Variants in WNT3A observed in about 807,000 individuals in gnomAD.
The protein encoded by WNT3A is protein Wnt-3a.
A neutral mutation model predicts 37.0 loss-of-function variants in WNT3A; 17 were observed. The observed-to-expected ratio is 0.46, with a 90% confidence interval of 0.31 to 0.69. The LOEUF is 0.69. WNT3A is among the 30% of genes least tolerant of loss of function. The probability of loss-of-function intolerance (pLI) is 0.05; values close to 1 mark genes in which losing one functional copy is unlikely to be tolerated. For synonymous variants in WNT3A, 187 were observed against 211.0 expected, an observed-to-expected ratio of 0.89 and a Z score of 0.99; for missense variants, 411 against 510.2, an observed-to-expected ratio of 0.81 and a Z score of 1.87.
At chr1:228,015,284 G>C (rs915375098) in intron 1 of WNT3A, among the ~76,000 whole-genome samples, 1 of 152,216 alleles carries the variant, frequency 6.6e-6, no homozygotes, top group Non-Finnish European at 1.5e-5. Context: ...CCAGGGAAAG[G>C]GGACAGAGCA....
At chr1:228,017,131 G>T (rs1188433481) in intron 1 of WNT3A, among the ~76,000 whole-genome samples, 1 of 152,204 alleles carries the variant, frequency 6.6e-6, no homozygotes, top group Non-Finnish European at 1.5e-5. Flanking sequence ...CTGTGGCAAA[G>T]CTCCATTCCC....
In WNT3A at chr1:228,049,316, CTT is replaced by C. The variant is rs569840957; in HGVS notation, c.314-1339_314-1338del. On this transcript the variant is annotated intron_variant, in intron 2 of 3. Coordinates refer to ENST00000284523, the MANE Select transcript of WNT3A (RefSeq NM_033131.4). The stretch of plus-strand genomic sequence containing the variant: ...ATCTGGGCAGCAGAAGGAATTAGCT[CTT>C]GTCTGGTTTTACCTGCCTTCGTTCA... Among the ~76,000 whole-genome samples the C allele has an allele frequency of 2.9e-4, 44 of 152,312 alleles. No individual in the cohort carries two copies. The South Asian group carries it at 9.1e-3, about 32-fold the overall frequency.
chr1:228,022,229 C>T (rs185728541), intron 1 of WNT3A, among the ~76,000 whole-genome samples: 13 of 152,210 alleles, frequency 8.5e-5, no homozygotes, highest in South Asian at 6.2e-4. Flanking sequence ...GAGGCTCTAG[C>T]GAGAGGTCAC....
In WNT3A at chr1:228,022,842, G is replaced by T; in HGVS notation, c.247G>T (p.Gly83Cys). ...CCAGGAGTGCCAGCACCAGTTCCGCGGCCGCCGGTGGAACTGCACCACCGT... is the reference window on the plus strand; with the variant it reads ...CCAGGAGTGCCAGCACCAGTTCCGCTGCCGCCGGTGGAACTGCACCACCGT... ...GIQECQHQFR[G>C]RRWNCTTVHD... The change falls in exon 2 of 4, where the codon GGC becomes TGC. Residue 83 changes from glycine (G) to cysteine (C), a missense_variant. By Grantham distance (159) the Gly-to-Cys change is radical. Coordinates refer to ENST00000284523, the MANE Select transcript of WNT3A (RefSeq NM_033131.4). 1 of 1,613,920 alleles carries T rather than the reference G, an allele frequency of 6.2e-7. No homozygotes were observed. The highest frequency in any genetic ancestry group is 8.5e-7 in the Non-Finnish European group (1 of 1,180,008).
chr1:228,048,808 C>A (rs1271585722), intron 2 of WNT3A, among the ~76,000 whole-genome samples: 1 of 152,152 alleles, frequency 6.6e-6, no homozygotes, highest in East Asian at 1.9e-4. Flanking sequence ...CACCCACCCC[C>A]AAGACACAGC....
intron 3 of WNT3A, among the ~76,000 whole-genome samples, chr1:228,053,278 T>C (rs1571815287): frequency 6.6e-6 from 1 of 152,130 alleles, no homozygotes; most frequent in South Asian, 2.1e-4. Context: ...CTAAGACAGA[T>C]AGCAACATGG....
rs907459956 is a variant in WNT3A, at chr1:228,038,411, C to T, written c.314-12245C>T. Among the ~76,000 whole-genome samples the T allele has an allele frequency of 5.3e-5, 8 of 152,334 alleles. No homozygotes were observed. In the East Asian group the frequency reaches 1.2e-3, roughly 22 times the overall value. On this transcript the variant is annotated intron_variant, in intron 2 of 3. Transcript: ENST00000284523. This position sits in a 1 kb window ranked among gnomAD's most constrained non-coding sequence, Gnocchi z 5.7. ...CCCACGCGTTGGCTGCTCTGGAAGC[C>T]TGTTGTGGCCTCCCGATGGGCACGA... is the stretch of plus-strand genomic sequence containing the variant.
intron 2 of WNT3A, among the ~76,000 whole-genome samples, chr1:228,029,002 G>A (rs898531432): frequency 5.3e-5 from 8 of 152,090 alleles, no homozygotes; most frequent in South Asian, 2.1e-4. Flanking sequence ...ACAATTCCTT[G>A]GGGAAAAGGT....
At chr1:228,051,265 A>G (rs1171931233) in intron 3 of WNT3A, among the ~76,000 whole-genome samples, 1 of 152,014 alleles carries the variant, frequency 6.6e-6, no homozygotes, top group African/African-American at 2.4e-5. Flanking sequence ...GCAGGCACAC[A>G]AGGTGACCCG....
rs777278372 is a variant in WNT3A at position 228,007,106 on chromosome 1, C to T, written c.-23C>T. On this transcript the variant is annotated 5_prime_UTR_variant, in exon 1 of 4. Transcript: ENST00000284523. The surrounding 1 kb of genome is among the most constrained non-coding windows in gnomAD (Gnocchi z 6.0). The stretch of plus-strand genomic sequence containing the variant: ...CACGCTCTCGGGGCGGACTCCCGGC[C>T]CTCCGCGCCCTCTCGCGCGGCGATG... 8.4e-6 allele frequency: 13 copies of T among 1,552,604 alleles called. No individual in the cohort carries two copies. Among genetic ancestry groups the T allele is most frequent in the Admixed American group, 7.4e-5 (4 of 53,966 alleles).
intron 2 of WNT3A, among the ~76,000 whole-genome samples, chr1:228,033,091 C>T (rs1279340014): frequency 6.6e-6 from 1 of 152,208 alleles, no homozygotes; most frequent in African/African-American, 2.4e-5. Flanking sequence ...TTATCCAATA[C>T]ATGACTTGCA....
At position 228,037,173 on chromosome 1, in the gene WNT3A, G is replaced by A. The variant is rs2031164074; in HGVS notation, c.314-13483G>A. ...GTTTGCTTCTTCGTACCCAGTGTGG[G>A]TGGGGCCTGCAGCAGTGGCCCTCCC... On this transcript the variant is annotated intron_variant, in intron 2 of 3. Coordinates refer to ENST00000284523, the MANE Select transcript of WNT3A (RefSeq NM_033131.4). The surrounding 1 kb of genome is among the most constrained non-coding windows in gnomAD (Gnocchi z 4.1). Among the ~76,000 whole-genome samples the A allele has an allele frequency of 6.6e-6, 1 of 152,058 alleles. No homozygotes were observed. Among genetic ancestry groups the A allele is most frequent in the African/African-American group, 2.4e-5 (1 of 41,402 alleles).
At chr1:228,029,742 C>T (rs183423086) in intron 2 of WNT3A, among the ~76,000 whole-genome samples, 1 of 140,998 alleles carries the variant, frequency 7.1e-6, no homozygotes, top group African/African-American at 2.8e-5. Context: ...TTGTGCCCAC[C>T]CCCCCCCCAA....
rs1025256476 is a variant in WNT3A at position 228,008,703 on chromosome 1, C to G, written c.71+1504C>G. Among the ~76,000 whole-genome samples the G allele has an allele frequency of 6.6e-6, 1 of 152,142 alleles. No homozygotes were observed. ...GAGAGCCCCGAGGGCTGCCGGCTTACGCACCAGGCTTCTAATTAGAACCCG... is the reference window on the plus strand; with the variant it reads ...GAGAGCCCCGAGGGCTGCCGGCTTAGGCACCAGGCTTCTAATTAGAACCCG... On this transcript the variant is annotated intron_variant, in intron 1 of 3. Coordinates refer to ENST00000284523, the MANE Select transcript of WNT3A (RefSeq NM_033131.4). The surrounding 1 kb of genome is among the most constrained non-coding windows in gnomAD (Gnocchi z 4.9).
chr1:228,054,600 C>T (rs1054232611), intron 3 of WNT3A, among the ~76,000 whole-genome samples: 2 of 145,608 alleles, frequency 1.4e-5, no homozygotes, highest in African/African-American at 5.1e-5. Flanking sequence ...TGCACTCCAG[C>T]CTGGGCGACA....
chr1:228,014,792 C>T (rs2030478591), intron 1 of WNT3A, among the ~76,000 whole-genome samples: 1 of 152,258 alleles, frequency 6.6e-6, no homozygotes, highest in Non-Finnish European at 1.5e-5. Flanking sequence ...CAGCCAGCAT[C>T]TCTGCCGTAC....
Position 228,038,482 on chromosome 1 carries a change from A to T in WNT3A, c.314-12174A>T, listed in dbSNP as rs886389943. On this transcript the variant is annotated intron_variant, in intron 2 of 3. Coordinates refer to ENST00000284523, the MANE Select transcript of WNT3A (RefSeq NM_033131.4). This position sits in a 1 kb window ranked among gnomAD's most constrained non-coding sequence, Gnocchi z 5.7. ...TTTCAGGGGCGATGGTCCCCAGATG[A>T]CATGACATTTGGGGCCACAGTGACC... is the stretch of plus-strand genomic sequence containing the variant. 6.6e-6 allele frequency among the ~76,000 whole-genome samples: 1 copy of T among 152,188 alleles called. No individual in the cohort carries two copies. Among genetic ancestry groups the T allele is most frequent in the African/African-American group, 2.4e-5 (1 of 41,434 alleles).
rs1007532558 is a variant in WNT3A at position 228,031,497 on chromosome 1, G to A, written c.313+8589G>A. Among the ~76,000 whole-genome samples the A allele has an allele frequency of 2.4e-4, 37 of 152,148 alleles. No individual in the cohort carries two copies. Among genetic ancestry groups the A allele is most frequent in the Non-Finnish European group, 3.4e-4 (23 of 68,016 alleles). Reference sequence around the variant, plus strand: ...GAGCGTGTCCAAGGGTGTGTGTGGCGTGTGATGCATTGTGTGTATGTGAGT... The same window carrying A: ...GAGCGTGTCCAAGGGTGTGTGTGGCATGTGATGCATTGTGTGTATGTGAGT... On this transcript the variant is annotated intron_variant, in intron 2 of 3. Transcript: ENST00000284523. This position sits in a 1 kb window ranked among gnomAD's most constrained non-coding sequence, Gnocchi z 4.8.
intron 1 of WNT3A, among the ~76,000 whole-genome samples, chr1:228,016,302 G>C (rs1306689361): frequency 6.6e-6 from 1 of 152,182 alleles, no homozygotes; most frequent in Non-Finnish European, 1.5e-5. Context: ...GTCCAAGCTA[G>C]AGGCAGCCTG....
Sources: gnomAD v4.1 joint callset for allele counts (sites outside exome capture counted in the v4.1 genomes callset) on GRCh38, gnomAD v4.1.1 for gene constraint, Gnocchi (gnomAD v3.1) non-coding constraint, MANE v1.5 for transcripts, NCBI Gene and HGNC (gene_info 2026-07-23, HGNC 2026-07-21) for gene names.